The following KCNMA1 variants were observed in gnomAD, a reference collection of about 807,000 sequenced individuals.
KCNMA1 encodes Calcium-activated potassium channel subunit alpha-1.
Under a neutral mutation model 140.0 loss-of-function variants are expected in KCNMA1, and 29 were observed. The ratio of observed to expected loss-of-function variants is 0.21; its 90% CI spans 0.15 to 0.28. The LOEUF (loss-of-function observed/expected upper bound fraction) is 0.28. KCNMA1 is among the 10% of genes least tolerant of loss of function. KCNMA1 has a pLI of 1.00. For missense variants in KCNMA1, 880 were observed against 1,602.2 expected (o/e 0.55, Z 7.70); for synonymous variants, 612 against 611.9 (o/e 1.00, Z 0.00).
At chr10:77,364,638 A>G (rs1423488769) in intron 2 of KCNMA1, among the ~76,000 whole-genome samples, 1 of 152,188 alleles carries the variant, frequency 6.6e-6, no homozygotes, top group East Asian at 1.9e-4. Context: ...TGGCAAAACC[A>G]TAATTGAAAC....
chr10:76,901,378 T>A (rs2045319071), intron 25 of KCNMA1: 1 of 152,214 alleles, frequency 6.6e-6, no homozygotes, highest in Non-Finnish European at 1.5e-5. Context: ...GAAGTATGAA[T>A]AACTGTTCTA....
chr10:76,979,463 A>ACTT (rs1555038709), intron 19 of KCNMA1: 1 of 151,884 alleles, frequency 6.6e-6, no homozygotes, highest in South Asian at 2.1e-4. Flanking sequence ...CACCAATGTT[A>ACTT]CTTTCTTTTT....
rs558458274 is a variant in KCNMA1 at position 76,928,988 on chromosome 10, G to T, written c.2903-13939C>A. ...GACATGAGGGAACAGGAAGCATTTT[G>T]ATTTAATATTTCATAAGATAGAGAC... On this transcript the variant is annotated intron_variant, in intron 23 of 27. Transcript: ENST00000286628. Among the ~76,000 whole-genome samples the T allele has an allele frequency of 3.9e-5, 6 of 152,246 alleles. 1 individual carries two copies. The South Asian group carries it at 1.0e-3, about 26-fold the overall frequency.
At position 77,429,168 on chromosome 10, in the gene KCNMA1, C is replaced by T. The variant is rs182605152; in HGVS notation, c.379-25145G>A. Among the ~76,000 whole-genome samples the T allele has an allele frequency of 1.6e-4, 24 of 152,308 alleles. No individual in the cohort carries two copies. In the East Asian group the frequency reaches 4.4e-3, roughly 28 times the overall value. On this transcript the variant is annotated intron_variant, in intron 1 of 27. Transcript: ENST00000286628. ...ATATACAGTTCAAGAGCCAAAGATG[C>T]CTGAGGGTGAACTGGTATGCCAAGT...
intron 3 of KCNMA1, among the ~76,000 whole-genome samples, chr10:77,188,836 T>C (rs1598301267): frequency 1.3e-5 from 2 of 152,280 alleles, no homozygotes; most frequent in African/African-American, 2.4e-5. Context: ...CCAGGTTTTT[T>C]TTCAGAGGGC....
chr10:77,439,087 A>AAAGAGAAGAGAAGAGAAGAGAAGAG lies in KCNMA1; in HGVS notation c.379-35089_379-35065dup, dbSNP rs55994326. Among the ~76,000 whole-genome samples, 576 of 124,910 alleles carry AAAGAGAAGAGAAGAGAAGAGAAGAG rather than the reference A, an allele frequency of 4.6e-3. 5 individuals carry two copies. The highest frequency in any genetic ancestry group is 6.4e-3 in the African/African-American group (209 of 32,904). 81.9% of individuals were successfully genotyped at this position (124,910 alleles called of 152,430 possible). A position where few individuals can be genotyped will look rare whatever the true frequency, so the allele number is the denominator to read the frequency against. On this transcript the variant is annotated intron_variant, in intron 1 of 27. Coordinates refer to ENST00000286628, the MANE Select transcript of KCNMA1 (RefSeq NM_001161352.2). ...CTCTCTCAAAAAAAGAAAGAAAAGA[A>AAAGAGAAGAGAAGAGAAGAGAAGAG]AAGAGAAGAGAAGAGAAGAGAAGAG... is the stretch of plus-strand genomic sequence containing the variant.
intron 23 of KCNMA1, among the ~76,000 whole-genome samples, chr10:76,923,222 A>T (rs1052789154): frequency 6.6e-6 from 1 of 152,182 alleles, no homozygotes; most frequent in African/African-American, 2.4e-5. Flanking sequence ...CTCTTAGACA[A>T]GTCTCACACA....
intron 5 of KCNMA1, among the ~76,000 whole-genome samples, chr10:77,161,193 G>A (rs553385048): frequency 6.4e-4 from 98 of 152,266 alleles, no homozygotes; most frequent in African/African-American, 2.3e-3. Context: ...CATTCATTCA[G>A]GCCAAGGTGA....
At chr10:77,221,990 T>C (rs962275262) in intron 3 of KCNMA1, among the ~76,000 whole-genome samples, 1 of 143,370 alleles carries the variant, frequency 7.0e-6, no homozygotes, top group African/African-American at 2.5e-5. Context: ...TATTTCATCA[T>C]CTGTAAAATG....
intron 5 of KCNMA1, among the ~76,000 whole-genome samples, chr10:77,150,595 T>C (rs989361728): frequency 1.3e-5 from 2 of 152,168 alleles, no homozygotes; most frequent in African/African-American, 4.8e-5. Flanking sequence ...TAAATAATCA[T>C]TTATCAGAAC....
intron 14 of KCNMA1, among the ~76,000 whole-genome samples, chr10:77,068,773 T>G (rs2096063751): frequency 1.5e-5 from 2 of 135,704 alleles, no homozygotes; most frequent in African/African-American, 2.8e-5. Flanking sequence ...AGTTGGCAAT[T>G]CTGAGAACTA....
chr10:77,298,698 C>A (rs2075839042), intron 2 of KCNMA1, among the ~76,000 whole-genome samples: 1 of 152,202 alleles, frequency 6.6e-6, no homozygotes, highest in South Asian at 2.1e-4. Flanking sequence ...AAGGTCCCCT[C>A]ATTTGATTTC....
intron 1 of KCNMA1, among the ~76,000 whole-genome samples, chr10:77,607,733 G>A (rs1166496708): frequency 6.6e-6 from 1 of 152,194 alleles, no homozygotes; most frequent in African/African-American, 2.4e-5. Flanking sequence ...GAAGGAACCA[G>A]CCCTGCAGAC....
In KCNMA1 at chr10:76,977,789, T is replaced by C. The variant is rs1161308848; in HGVS notation, c.2267-7722A>G. ...TTAGCCCTGCTGGTCCGCTCGTGTT[T>C]GAGGTCATGAGTCAGGTGAGTTTCA... is the stretch of plus-strand genomic sequence containing the variant. On this transcript the variant is annotated intron_variant, in intron 19 of 27. Coordinates refer to ENST00000286628, the MANE Select transcript of KCNMA1 (RefSeq NM_001161352.2). 8.4e-6 allele frequency: 5 copies of C among 596,656 alleles called. No individual in the cohort carries two copies. The East Asian group carries it at 1.4e-4, about 17-fold the overall frequency. 37.0% of individuals were successfully genotyped at this position (596,656 alleles called of 1,614,324 possible).
At chr10:77,402,754 T>C (rs1301530627) in intron 2 of KCNMA1, among the ~76,000 whole-genome samples, 1 of 152,162 alleles carries the variant, frequency 6.6e-6, no homozygotes, top group East Asian at 1.9e-4. Flanking sequence ...TAATGACTGT[T>C]TTCCAGTGTC....
In KCNMA1 at chr10:77,012,014, T is replaced by C; in HGVS notation, c.2045A>G (p.Asp682Gly). 3.7e-6 allele frequency: 6 copies of C among 1,613,874 alleles called. No individual in the cohort carries two copies. Among genetic ancestry groups the C allele is most frequent in the Non-Finnish European group, 5.1e-6 (6 of 1,179,906 alleles). Reference sequence around the variant, plus strand: ...TATTCTTTTGGGATCTGTGATGTCATCATGACAGGCCTTGCAGTAAAAAAA... The same window carrying C: ...TATTCTTTTGGGATCTGTGATGTCACCATGACAGGCCTTGCAGTAAAAAAA... ...RAFFYCKACH[D>G]DITDPKRIKK... The change falls in exon 18 of 28, where the codon GAT becomes GGT. Residue 682 changes from aspartate to glycine, a missense_variant. Physicochemically the swap from Asp to Gly is moderately conservative, Grantham distance 94 (BLOSUM62 -1). Around this residue, in one of 13 missense-constraint regions of KCNMA1, gnomAD observed 196 missense variants for 233.0 expected, o/e 0.84. Transcript: ENST00000286628.
intron 13 of KCNMA1, among the ~76,000 whole-genome samples, chr10:77,079,149 A>C (rs902428942): frequency 6.6e-6 from 1 of 152,184 alleles, no homozygotes; most frequent in Admixed American, 6.5e-5. Flanking sequence ...GCATGCCTGT[A>C]ATCCCAGCTA....
At chr10:77,290,270 T>C (rs954488574) in intron 2 of KCNMA1, among the ~76,000 whole-genome samples, 1 of 152,242 alleles carries the variant, frequency 6.6e-6, no homozygotes, top group African/African-American at 2.4e-5. Flanking sequence ...TAGAGCACTA[T>C]TGATTATCTA....
At chr10:77,331,318 G>C (rs891712255) in intron 2 of KCNMA1, among the ~76,000 whole-genome samples, 3 of 152,092 alleles carry the variant, frequency 2.0e-5, no homozygotes, top group Admixed American at 6.6e-5. Flanking sequence ...ATACAAAAGT[G>C]CTTTATGATA....
Sources: gnomAD v4.1 joint callset for allele counts (sites outside exome capture counted in the v4.1 genomes callset) on GRCh38, gnomAD v4.1.1 for gene constraint, gnomAD v4.1.1 regional missense constraint, MANE v1.5 for transcripts, NCBI Gene and HGNC (gene_info 2026-07-23, HGNC 2026-07-21) for gene names.